NTM: variants seen among roughly 807,000 people sequenced by gnomAD.
The protein encoded by NTM is IgLON family member 2.
NTM carries 13 observed loss-of-function variants against 42.1 expected under a neutral mutation model. That is an observed-to-expected ratio of 0.31 (90% CI 0.20 to 0.49). NTM has a LOEUF of 0.49. NTM is among the 20% of genes least tolerant of loss of function. The pLI, the probability that NTM is intolerant of heterozygous loss-of-function variation, is 0.99. For missense variants in NTM, 373 were observed against 452.8 expected, an observed-to-expected ratio of 0.82 and a Z score of 1.60; for synonymous variants, 187 against 179.2, an observed-to-expected ratio of 1.04 and a Z score of -0.35.
At chr11:131,550,350 G>T (rs1194817087) in intron 1 of NTM, among the ~76,000 whole-genome samples, 4 of 152,190 alleles carry the variant, frequency 2.6e-5, no homozygotes, top group Non-Finnish European at 5.9e-5. Flanking sequence ...GTTTGAGACT[G>T]TGTCGCTGCC....
chr11:131,499,860 G>T (rs1412931306), intron 1 of NTM, among the ~76,000 whole-genome samples: 1 of 151,978 alleles, frequency 6.6e-6, no homozygotes, highest in Non-Finnish European at 1.5e-5. Flanking sequence ...TGTGTCAGTT[G>T]TATCTACACG....
intron 2 of NTM, among the ~76,000 whole-genome samples, chr11:131,987,293 C>T (rs191156578): frequency 1.3e-5 from 2 of 152,270 alleles, no homozygotes; most frequent in East Asian, 1.9e-4. Context: ...ACACTCCAGA[C>T]AAGTACACAC....
intron 2 of NTM, among the ~76,000 whole-genome samples, chr11:132,097,748 T>G (rs1464179590): frequency 1.3e-5 from 2 of 152,206 alleles, no homozygotes; most frequent in Non-Finnish European, 2.9e-5. Context: ...ATGAAAGGGC[T>G]TCTCCTCAAA....
At chr11:132,056,427 C>T (rs756675920) in intron 2 of NTM, among the ~76,000 whole-genome samples, 8 of 152,190 alleles carry the variant, frequency 5.3e-5, no homozygotes, top group Non-Finnish European at 8.8e-5. Context: ...AGCTTGATAG[C>T]TCCTAGCATA....
At chr11:131,734,523 C>A (rs1217200253) in intron 1 of NTM, among the ~76,000 whole-genome samples, 2 of 152,172 alleles carry the variant, frequency 1.3e-5, no homozygotes, top group African/African-American at 4.8e-5. Context: ...AAATAAGACA[C>A]AGCCCCTGCC....
chr11:132,022,902 G>C (rs1438877685), intron 2 of NTM, among the ~76,000 whole-genome samples: 1 of 152,194 alleles, frequency 6.6e-6, no homozygotes. Context: ...GCTCCTGCTG[G>C]ATGGGATCCC....
intron 2 of NTM, among the ~76,000 whole-genome samples, chr11:132,056,100 G>T (rs1341339885): frequency 6.6e-6 from 1 of 152,192 alleles, no homozygotes; most frequent in Admixed American, 6.5e-5. Context: ...ATTCATTTTT[G>T]CAGTAGGCAG....
chr11:132,271,440 T>A (rs2093471120), intron 4 of NTM, among the ~76,000 whole-genome samples: 1 of 152,200 alleles, frequency 6.6e-6, no homozygotes, highest in African/African-American at 2.4e-5. Context: ...GGTGGTAGGT[T>A]AACTACATTT....
intron 2 of NTM, among the ~76,000 whole-genome samples, chr11:132,070,451 A>C (rs1424632903): frequency 7.6e-6 from 1 of 131,686 alleles, no homozygotes; most frequent in Non-Finnish European, 1.6e-5. Flanking sequence ...TCACACAGCC[A>C]AGTTAACACA....
intron 1 of NTM, among the ~76,000 whole-genome samples, chr11:131,627,139 C>G (rs2063182931): frequency 6.6e-6 from 1 of 152,094 alleles, no homozygotes; most frequent in Non-Finnish European, 1.5e-5. Context: ...TTATCTTGTA[C>G]CTCGAGTGCC....
At chr11:131,452,190 C>A (rs1950537591) in intron 1 of NTM, among the ~76,000 whole-genome samples, 1 of 152,212 alleles carries the variant, frequency 6.6e-6, no homozygotes, top group Non-Finnish European at 1.5e-5. Flanking sequence ...GTTTAACGGG[C>A]TGAGAAATGG....
At chr11:132,161,600 C>A (rs2074304287) in intron 3 of NTM, among the ~76,000 whole-genome samples, 3 of 151,972 alleles carry the variant, frequency 2.0e-5, no homozygotes, top group Admixed American at 6.6e-5. Context: ...CCTCCAATTT[C>A]ACATTTCCCA....
rs748768735 is a variant in NTM, at chr11:131,834,625, C to CATATACATATAT, written c.83-76934_83-76933insCATATATATATA. Reference sequence around the variant, plus strand: ...TAGTGTGTGTATATATATACATATACATATATATATATATATATATGTATA... The same window carrying CATATACATATAT: ...TAGTGTGTGTATATATATACATATACATATACATATATATATATATATATATATATATGTATA... On this transcript the variant is annotated intron_variant, in intron 1 of 8. Transcript: ENST00000683400. 5.2e-5 allele frequency among the ~76,000 whole-genome samples: 7 copies of CATATACATATAT among 133,986 alleles called. No individual in the cohort carries two copies. In the Admixed American group the frequency reaches 5.6e-4, roughly 11 times the overall value. The allele number at this position is 133,986 out of a possible 152,430, so 87.9% of individuals were successfully genotyped here. A position where few individuals can be genotyped will look rare whatever the true frequency, so the allele number is the denominator to read the frequency against.
rs1238281152 is a variant in NTM, at chr11:131,789,662, A to G, written c.83-121902A>G. 9.9e-5 allele frequency among the ~76,000 whole-genome samples: 12 copies of G among 121,590 alleles called. 1 individual carries two copies. The highest frequency in any genetic ancestry group is 3.6e-4 in the African/African-American group (12 of 33,540). The allele number at this position is 121,590 out of a possible 152,430, so 79.8% of individuals were successfully genotyped here. On this transcript the variant is annotated intron_variant, in intron 1 of 8. Transcript: ENST00000683400. ...AAGAAGAAGAAGAAGAAGAAGAAGAAGAAGAAAGCATGGGCCGGGGGCGGT... is the reference window on the plus strand; with the variant it reads ...AAGAAGAAGAAGAAGAAGAAGAAGAGGAAGAAAGCATGGGCCGGGGGCGGT...
intron 1 of NTM, among the ~76,000 whole-genome samples, chr11:131,716,819 T>A (rs2135359699): frequency 6.6e-6 from 1 of 152,328 alleles, no homozygotes; most frequent in South Asian, 2.1e-4. Context: ...AATACGATAC[T>A]GTTGATTACT....
At chr11:131,626,702 G>T (rs1372236328) in intron 1 of NTM, among the ~76,000 whole-genome samples, 1 of 152,222 alleles carries the variant, frequency 6.6e-6, no homozygotes, top group Non-Finnish European at 1.5e-5. Flanking sequence ...TCTGCAAGGA[G>T]GCGAAGGCTC....
At chr11:131,530,401 T>A (rs2051082891) in intron 1 of NTM, among the ~76,000 whole-genome samples, 1 of 144,286 alleles carries the variant, frequency 6.9e-6, no homozygotes. Context: ...GTGAAAGTCA[T>A]CTAGTAAAGT....
At chr11:131,496,617 C>T (rs1024113861) in intron 1 of NTM, among the ~76,000 whole-genome samples, 1 of 152,196 alleles carries the variant, frequency 6.6e-6, no homozygotes, top group Non-Finnish European at 1.5e-5. Context: ...AAGAGCAAAG[C>T]CCCCTTCACT....
chr11:132,317,567 A>AAACT (rs755966807), intron 7 of NTM: 604 of 731,294 alleles, frequency 8.3e-4, no homozygotes, highest in Middle Eastern at 5.2e-3. Context: ...GGCAGTATAC[A>AAACT]AACTATATAT....
Sources: allele counts gnomAD v4.1 joint callset (sites outside exome capture counted in the v4.1 genomes callset), GRCh38; gene constraint gnomAD v4.1.1; transcripts MANE v1.5; gene names NCBI Gene and HGNC (gene_info 2026-07-23, HGNC 2026-07-21).